NT5DC3: variants seen among roughly 807,000 people sequenced by gnomAD.
NT5DC3 encodes the protein 5'-nucleotidase domain containing 3.
Under a neutral mutation model 67.8 loss-of-function variants are expected in NT5DC3, and 42 were observed. The ratio of observed to expected loss-of-function variants is 0.62; its 90% CI spans 0.48 to 0.80. The LOEUF (loss-of-function observed/expected upper bound fraction) is 0.80, where lower values mean the gene tolerates loss of function less well. Ranked by LOEUF, NT5DC3 falls within the 30% of genes least tolerant of loss-of-function variation. NT5DC3 has a pLI of 0.00. For missense variants in NT5DC3, 570 were observed against 696.4 expected (o/e 0.82, Z 2.04); for synonymous variants, 237 against 255.6 (o/e 0.93, Z 0.69).
chr12:103,800,907 T>C (rs896080875), intron 4 of NT5DC3, among the ~76,000 whole-genome samples: 11 of 152,194 alleles, frequency 7.2e-5, no homozygotes, highest in Non-Finnish European at 1.0e-4. Flanking sequence ...TAAAAGTGCC[T>C]ATTTCCTGAT....
At chr12:103,805,364 G>A (rs551294617) in intron 4 of NT5DC3, among the ~76,000 whole-genome samples, 6 of 152,342 alleles carry the variant, frequency 3.9e-5, no homozygotes, top group African/African-American at 1.4e-4. Context: ...CTGTTTGACT[G>A]TGTGACTCTA....
downstream of NT5DC3, among the ~76,000 whole-genome samples, chr12:103,765,802 G>A (rs866954597): frequency 1.2e-3 from 189 of 152,258 alleles, 1 homozygote; most frequent in African/African-American, 4.0e-3. Flanking sequence ...TCAGCCTCCC[G>A]AAGTGCTGGG....
At chr12:103,780,621 C>CCTA (rs1332544711) in intron 12 of NT5DC3, among the ~76,000 whole-genome samples, 1 of 152,162 alleles carries the variant, frequency 6.6e-6, no homozygotes, top group East Asian at 1.9e-4. Context: ...AAGTTATTAA[C>CCTA]CTATCAGTAA....
intron 6 of NT5DC3, among the ~76,000 whole-genome samples, chr12:103,796,551 T>C (rs751351297): frequency 1.3e-5 from 2 of 151,586 alleles, no homozygotes; most frequent in Non-Finnish European, 2.9e-5. Flanking sequence ...GCACCCTTGC[T>C]CGGGCAGACT....
intron 1 of NT5DC3, among the ~76,000 whole-genome samples, chr12:103,815,674 AG>A (rs1478724535): frequency 6.6e-6 from 1 of 152,076 alleles, no homozygotes; most frequent in African/African-American, 2.4e-5. Flanking sequence ...CACCCACCTC[AG>A]CCTCCCAAAG....
intron 1 of NT5DC3, 29 bp from the exon 2 acceptor site, chr12:103,815,150 A>G (rs1387926068): frequency 6.9e-7 from 1 of 1,439,688 alleles, no homozygotes; most frequent in East Asian, 2.4e-5. Flanking sequence ...AATACATTAT[A>G]CTACATAATA....
At chr12:103,760,869 AGAAG>A in the NT5DC3 span, among the ~76,000 whole-genome samples, 1 of 152,218 alleles carries the variant, frequency 6.6e-6, no homozygotes, top group Non-Finnish European at 1.5e-5. Context: ...TCAGCAGGGG[AGAAG>A]GCACAGGGCC....
At chr12:103,766,131 C>CCAA (rs1387597965), downstream of NT5DC3, 1 of 1,036,942 alleles carries the variant, frequency 9.6e-7, no homozygotes, top group African/African-American at 1.6e-5. Context: ...ATCCTGCCTC[C>CCAA]CAACACAAGG....
chr12:103,832,341 G>C (rs1249114717), intron 1 of NT5DC3, among the ~76,000 whole-genome samples: 1 of 151,792 alleles, frequency 6.6e-6, no homozygotes, highest in African/African-American at 2.4e-5. Context: ...ATAGATTCCC[G>C]GGTCTTACCT....
chr12:103,801,372 C>CTTTTTTTTTTTTTTTTTTT (rs869237844), intron 4 of NT5DC3, among the ~76,000 whole-genome samples: 2 of 78,946 alleles, frequency 2.5e-5, no homozygotes, highest in African/African-American at 1.1e-4. Context: ...TTGGGGTGGG[C>CTTTTTTTTTTTTTTTTTTT]TTTTTTTTTT....
At chr12:103,821,691 T>C (rs879862129) in intron 1 of NT5DC3, among the ~76,000 whole-genome samples, 11 of 152,234 alleles carry the variant, frequency 7.2e-5, no homozygotes, top group South Asian at 2.1e-4. Context: ...AAGTTTTCTA[T>C]TGCTTACATC....
intron 2 of NT5DC3, among the ~76,000 whole-genome samples, chr12:103,812,327 G>A (rs1276501549): frequency 6.6e-6 from 1 of 152,100 alleles, no homozygotes; most frequent in Non-Finnish European, 1.5e-5. Context: ...GAATTATTTT[G>A]TTTAATCAGA....
At chr12:103,797,135 G>T in intron 5 of NT5DC3, 104 bp from the exon 6 acceptor site, 1 of 1,210,462 alleles carries the variant, frequency 8.3e-7, no homozygotes, top group Non-Finnish European at 1.2e-6. Flanking sequence ...GACTAAACGA[G>T]ATCCCATCAT....
At chr12:103,765,315 C>A in the NT5DC3 span, among the ~76,000 whole-genome samples, 2 of 152,118 alleles carry the variant, frequency 1.3e-5, no homozygotes, top group Non-Finnish European at 2.9e-5. Context: ...AGCCTAAATG[C>A]AGGATTCAGC....
chr12:103,750,710 C>G, the NT5DC3 span: 1 of 1,613,492 alleles, frequency 6.2e-7, no homozygotes. Flanking sequence ...GTGTCGACCT[C>G]CACTTCCAGG....
chr12:103,759,203 A>G, the NT5DC3 span: 1 of 1,614,174 alleles, frequency 6.2e-7, no homozygotes, highest in Non-Finnish European at 8.5e-7. Flanking sequence ...GACCTTGTCA[A>G]TGGCACCACC....
At chr12:103,821,661 G>T (rs974146016) in intron 1 of NT5DC3, among the ~76,000 whole-genome samples, 1 of 152,206 alleles carries the variant, frequency 6.6e-6, no homozygotes, top group Non-Finnish European at 1.5e-5. Context: ...ACCTGGAAAA[G>T]ATGTCAACGG....
At chr12:103,820,008 T>C (rs1435150123) in intron 1 of NT5DC3, among the ~76,000 whole-genome samples, 2 of 152,192 alleles carry the variant, frequency 1.3e-5, no homozygotes, top group African/African-American at 4.8e-5. Context: ...AGGAACCTCA[T>C]AGAAGTGGAG....
intron 12 of NT5DC3, among the ~76,000 whole-genome samples, chr12:103,781,067 A>G (rs1043141054): frequency 3.9e-5 from 6 of 152,248 alleles, no homozygotes; most frequent in Non-Finnish European, 8.8e-5. Flanking sequence ...AATATGGGCG[A>G]AAGGCAAAAA....
Sources: allele counts gnomAD v4.1 joint callset (sites outside exome capture counted in the v4.1 genomes callset), GRCh38; gene constraint gnomAD v4.1.1; transcripts MANE v1.5; gene names NCBI Gene and HGNC (gene_info 2026-07-23, HGNC 2026-07-21).